The following NRG3 variants were observed in gnomAD, a reference collection of about 807,000 sequenced individuals.
NRG3 encodes the protein neuregulin 3.
A neutral mutation model predicts 66.9 loss-of-function variants in NRG3; 31 were observed. That is an observed-to-expected ratio of 0.46 (90% confidence interval 0.35 to 0.63). NRG3 has a LOEUF of 0.63. Ranked by LOEUF, NRG3 falls within the 20% of genes least tolerant of loss-of-function variation. The pLI is 0.00. For synonymous variants in NRG3, 393 were observed against 359.4 expected, an observed-to-expected ratio of 1.09 and a Z score of -1.06; for missense variants, 910 against 878.9, an observed-to-expected ratio of 1.04 and a Z score of -0.45.
intron 2 of NRG3, among the ~76,000 whole-genome samples, chr10:82,398,198 A>C (rs764128611): frequency 6.6e-6 from 1 of 152,170 alleles, no homozygotes; most frequent in Non-Finnish European, 1.5e-5. Flanking sequence ...GGCCAGACTC[A>C]GCAGCAGTAG....
intron 8 of NRG3, 159 bp from the exon 9 acceptor site, chr10:82,984,939 G>C (rs957709590): frequency 3.2e-6 from 4 of 1,254,402 alleles, no homozygotes; most frequent in Non-Finnish European, 3.5e-6. Flanking sequence ...CTGAGCTTCA[G>C]TTTACTTCTC....
intron 2 of NRG3, among the ~76,000 whole-genome samples, chr10:82,590,393 A>G (rs1203722635): frequency 6.6e-6 from 1 of 152,110 alleles, no homozygotes; most frequent in Non-Finnish European, 1.5e-5. Context: ...TTATCGGAGG[A>G]AGCTAAGAAG....
intron 4 of NRG3, among the ~76,000 whole-genome samples, chr10:82,904,593 A>T (rs1478285067): frequency 2.0e-5 from 3 of 152,200 alleles, no homozygotes; most frequent in Non-Finnish European, 4.4e-5. Flanking sequence ...TATCATGGGA[A>T]ACAGAAACTA....
At chr10:82,914,538 C>T (rs1354064778) in intron 4 of NRG3, among the ~76,000 whole-genome samples, 2 of 152,052 alleles carry the variant, frequency 1.3e-5, no homozygotes, top group African/African-American at 2.4e-5. Flanking sequence ...TTTTGTCTTC[C>T]CTGTTGTCCT....
intron 2 of NRG3, among the ~76,000 whole-genome samples, chr10:82,558,404 A>G (rs2044792214): frequency 6.6e-6 from 1 of 152,156 alleles, no homozygotes; most frequent in South Asian, 2.1e-4. Flanking sequence ...ACCCTAAGCC[A>G]TGACTCAGCT....
At chr10:82,364,936 T>C (rs2084425012) in intron 2 of NRG3, among the ~76,000 whole-genome samples, 1 of 152,254 alleles carries the variant, frequency 6.6e-6, no homozygotes, top group Non-Finnish European at 1.5e-5. Context: ...GGGGCAGCCA[T>C]TGGGAAGGGC....
chr10:82,482,531 G>A (rs1022845545), intron 2 of NRG3, among the ~76,000 whole-genome samples: 1 of 152,160 alleles, frequency 6.6e-6, no homozygotes, highest in African/African-American at 2.4e-5. Context: ...GAGGTGTGGT[G>A]TAGGGAAACA....
chr10:82,640,998 T>C (rs2050534304), intron 2 of NRG3, among the ~76,000 whole-genome samples: 1 of 151,488 alleles, frequency 6.6e-6, no homozygotes, highest in Non-Finnish European at 1.5e-5. Flanking sequence ...TCTTTAAATT[T>C]TTCAGTCTGT....
At chr10:82,267,687 G>A (rs1299284755) in intron 1 of NRG3, among the ~76,000 whole-genome samples, 1 of 152,178 alleles carries the variant, frequency 6.6e-6, no homozygotes, top group Non-Finnish European at 1.5e-5. Context: ...TACCACTGAT[G>A]TGTTAGTTTC....
intron 4 of NRG3, among the ~76,000 whole-genome samples, chr10:82,941,430 C>G (rs1333885043): frequency 6.6e-6 from 1 of 152,196 alleles, no homozygotes; most frequent in Non-Finnish European, 1.5e-5. Flanking sequence ...TCTAAATATT[C>G]TCCTTTTCAT....
chr10:82,007,410 A>G (rs1351741702), intron 1 of NRG3, among the ~76,000 whole-genome samples: 6 of 152,026 alleles, frequency 3.9e-5, no homozygotes, highest in Middle Eastern at 3.4e-3. Flanking sequence ...GGGTTTCACA[A>G]TGTTGGCCAG....
chr10:81,893,699 A>G (rs1843244047), intron 1 of NRG3, among the ~76,000 whole-genome samples: 1 of 152,192 alleles, frequency 6.6e-6, no homozygotes, highest in African/African-American at 2.4e-5. Flanking sequence ...CTAATTAGAA[A>G]TGAGAAATCA....
chr10:82,163,830 G>A (rs1425396527), intron 1 of NRG3, among the ~76,000 whole-genome samples: 1 of 152,004 alleles, frequency 6.6e-6, no homozygotes, highest in Non-Finnish European at 1.5e-5. Context: ...GAGGAATTCA[G>A]ATTTTATTTT....
intron 1 of NRG3, among the ~76,000 whole-genome samples, chr10:81,929,600 A>G (rs1847142629): frequency 1.3e-5 from 2 of 152,148 alleles, no homozygotes; most frequent in East Asian, 3.9e-4. Context: ...CAAGTTTAGG[A>G]AGAAGTTGAC....
intron 1 of NRG3, among the ~76,000 whole-genome samples, chr10:82,198,736 C>T (rs1367227824): frequency 2.6e-5 from 4 of 152,092 alleles, no homozygotes; most frequent in South Asian, 4.1e-4. Context: ...CGGTGGCTCA[C>T]GCCTGTAATC....
At chr10:82,250,049 C>A (rs1225133834) in intron 1 of NRG3, among the ~76,000 whole-genome samples, 1 of 152,138 alleles carries the variant, frequency 6.6e-6, no homozygotes, top group African/African-American at 2.4e-5. Flanking sequence ...GGCTTGTTAT[C>A]CCCCAGAGCC....
chr10:82,006,545 T>C (rs1385395349), intron 1 of NRG3, among the ~76,000 whole-genome samples: 1 of 152,178 alleles, frequency 6.6e-6, no homozygotes, highest in Non-Finnish European at 1.5e-5. Flanking sequence ...TACGTAATAA[T>C]TTGAAAGTTA....
intron 1 of NRG3, among the ~76,000 whole-genome samples, chr10:81,896,215 G>A (rs1008527125): frequency 2.6e-5 from 4 of 152,036 alleles, no homozygotes; most frequent in Admixed American, 6.6e-5. Context: ...ATGCCCTTTC[G>A]ATATGATTGC....
At chr10:82,293,997 T>A (rs2134646345) in intron 1 of NRG3, among the ~76,000 whole-genome samples, 1 of 152,270 alleles carries the variant, frequency 6.6e-6, no homozygotes, top group South Asian at 2.1e-4. Flanking sequence ...AGTTTGAATT[T>A]GCTACTCTGG....
Sources: gnomAD v4.1 joint callset for allele counts (sites outside exome capture counted in the v4.1 genomes callset) on GRCh38, gnomAD v4.1.1 for gene constraint, MANE v1.5 for transcripts, NCBI Gene and HGNC (gene_info 2026-07-23, HGNC 2026-07-21) for gene names.